TESPA1: variants seen among roughly 807,000 people sequenced by gnomAD.
The protein encoded by TESPA1 is protein TESPA1.
TESPA1 carries 33 observed loss-of-function variants against 57.9 expected under a neutral mutation model. The ratio of observed to expected loss-of-function variants is 0.57; its 90% CI spans 0.43 to 0.76. TESPA1 has a LOEUF of 0.76. TESPA1 is among the 30% of genes least tolerant of loss of function. The pLI is 0.00. For missense variants in TESPA1, 618 were observed against 632.9 expected (o/e 0.98, Z 0.25); for synonymous variants, 227 against 228.9 (o/e 0.99, Z 0.07).
At chr12:54,975,310 C>T (rs1425134814) in intron 1 of TESPA1, among the ~76,000 whole-genome samples, 2 of 152,118 alleles carry the variant, frequency 1.3e-5, no homozygotes, top group Non-Finnish European at 2.9e-5. Flanking sequence ...TCAACTTGTG[C>T]TTCTACCTAA....
intron 10 of TESPA1, among the ~76,000 whole-genome samples, chr12:54,953,678 C>A (rs1446512040): frequency 6.6e-6 from 1 of 152,024 alleles, no homozygotes; most frequent in East Asian, 1.9e-4. Flanking sequence ...GCCACTACGC[C>A]TGGCTAATTT....
chr12:54,982,624 A>G (rs756549820), intron 1 of TESPA1, among the ~76,000 whole-genome samples: 5 of 152,236 alleles, frequency 3.3e-5, no homozygotes, highest in Non-Finnish European at 7.3e-5. Context: ...GACATCAAAT[A>G]TCTTCATTTG....
intron 10 of TESPA1, among the ~76,000 whole-genome samples, chr12:54,953,017 C>T (rs937805446): frequency 6.6e-6 from 1 of 151,854 alleles, no homozygotes; most frequent in African/African-American, 2.4e-5. Context: ...CACTCGTCCT[C>T]CCCTCTATTC....
intron 10 of TESPA1, among the ~76,000 whole-genome samples, chr12:54,955,536 G>A (rs1316757927): frequency 6.6e-6 from 1 of 152,218 alleles, no homozygotes; most frequent in Non-Finnish European, 1.5e-5. Flanking sequence ...AGTCTAGGGT[G>A]AACTGTGAGT....
chr12:54,959,999 C>T (rs1213342854), intron 10 of TESPA1, among the ~76,000 whole-genome samples: 2 of 152,106 alleles, frequency 1.3e-5, no homozygotes, highest in Admixed American at 1.3e-4. Flanking sequence ...AGAATTAAAA[C>T]AGTTAGAATT....
intron 3 of TESPA1, among the ~76,000 whole-genome samples, chr12:54,968,797 A>G (rs1333745906): frequency 6.6e-6 from 1 of 151,948 alleles, no homozygotes; most frequent in Non-Finnish European, 1.5e-5. Flanking sequence ...TGGAGGGGAA[A>G]AGGGTCAGTA....
chr12:54,949,864 G>A lies in TESPA1; in HGVS notation c.*528C>T, dbSNP rs915406765. On this transcript the variant is annotated 3_prime_UTR_variant, in exon 11 of 11. Coordinates refer to ENST00000449076, the MANE Select transcript of TESPA1 (RefSeq NM_001136030.3). The stretch of plus-strand genomic sequence containing the variant: ...GTTGTAGAAGATTTTCTGGAATTTA[G>A]TTAGGAATACAGGGATGAACAGAGG... The A allele has an allele frequency of 2.0e-5, 3 of 152,608 alleles. No individual in the cohort carries two copies. Among genetic ancestry groups the A allele is most frequent in the African/African-American group, 7.2e-5 (3 of 41,438 alleles). The allele number at this position is 152,608 out of a possible 1,614,324, so 9.5% of individuals were successfully genotyped here. A position where few individuals can be genotyped will look rare whatever the true frequency, so the allele number is the denominator to read the frequency against.
chr12:54,963,754 G>GGC lies in TESPA1; in HGVS notation c.641_642dup (p.Leu215AlafsTer106). ...GAGGGACACTCACTGGCCAGCATGA[G>GGC]GCAGGGGTCTTCCATTTCAATCCTC... On this transcript the variant is annotated frameshift_variant, in exon 8 of 11. Transcript: ENST00000449076. LOFTEE classifies it high-confidence loss of function. The GGC allele has an allele frequency of 6.2e-7, 1 of 1,612,572 alleles. No individual in the cohort carries two copies. The highest frequency in any genetic ancestry group is 8.5e-7 in the Non-Finnish European group (1 of 1,179,572).
chr12:54,954,844 A>G (rs10876670), intron 10 of TESPA1, among the ~76,000 whole-genome samples: 31,164 of 152,104 alleles, frequency 0.2, 5,420 homozygotes, highest in East Asian at 0.84. Context: ...ACTGATGGAC[A>G]TTAAGTTTGT....
At chr12:54,970,481 T>C (rs1042671758) in intron 3 of TESPA1, among the ~76,000 whole-genome samples, 5 of 152,222 alleles carry the variant, frequency 3.3e-5, no homozygotes, top group Non-Finnish European at 7.3e-5. Context: ...CAAGTATTTC[T>C]ATTCTCTTTA....
rs143169563 is a variant in TESPA1 at position 54,973,548 on chromosome 12, G to A, written c.164-29C>T. The A allele has an allele frequency of 6.6e-3, 10,719 of 1,613,934 alleles. 39 individuals carry two copies. The highest frequency in any genetic ancestry group is 0.012 in the Middle Eastern group (74 of 6,062). ...GAAAAGTCAGACACTAGATCACTGT[G>A]AGAACTGAACGAAATCAGACCTCCT... On this transcript the variant is annotated intron_variant, in intron 2 of 10. Transcript: ENST00000449076.
chr12:54,969,027 A>G lies in TESPA1; in HGVS notation c.207-1135T>C, dbSNP rs201466219. Among the ~76,000 whole-genome samples the G allele has an allele frequency of 6.4e-3, 573 of 89,582 alleles. 17 individuals are homozygous for G. The highest frequency in any genetic ancestry group is 0.03 in the African/African-American group (451 of 15,178). 58.8% of individuals were successfully genotyped at this position (89,582 alleles called of 152,430 possible). On this transcript the variant is annotated intron_variant, in intron 3 of 10. Coordinates refer to ENST00000449076, the MANE Select transcript of TESPA1 (RefSeq NM_001136030.3). ...TCACTACATATTTATATATGTATAT[A>G]TATATATATATATATATATGTGTGT...
At chr12:54,959,141 C>T (rs10876671) in intron 10 of TESPA1, among the ~76,000 whole-genome samples, 31,089 of 152,060 alleles carry the variant, frequency 0.2, 5,235 homozygotes, top group East Asian at 0.82. Flanking sequence ...AGAAGGGAAG[C>T]GTTCCATGGT....
intron 10 of TESPA1, among the ~76,000 whole-genome samples, chr12:54,955,734 T>G (rs1950690272): frequency 6.6e-6 from 1 of 152,234 alleles, no homozygotes; most frequent in Admixed American, 6.5e-5. Context: ...AAAATAAAAC[T>G]TTCTTTCTTT....
intron 10 of TESPA1, among the ~76,000 whole-genome samples, chr12:54,955,217 T>C (rs920531108): frequency 3.3e-5 from 5 of 152,244 alleles, no homozygotes; most frequent in Non-Finnish European, 7.3e-5. Context: ...TGTTGTGCAC[T>C]TGTATGTCTT....
chr12:54,964,012 TC>T, intron 7 of TESPA1, 62 bp from the exon 8 acceptor site: 4 of 1,477,174 alleles, frequency 2.7e-6, no homozygotes, highest in Non-Finnish European at 3.7e-6. Flanking sequence ...ATTCAGAATA[TC>T]AGAATATCTA....
chr12:54,974,282 A>G, intron 2 of TESPA1, 118 bp downstream of exon 2: 1 of 838,366 alleles, frequency 1.2e-6, no homozygotes, highest in Non-Finnish European at 1.7e-6. Context: ...ACCAGTCAAA[A>G]CAGTCCTCCC....
intron 10 of TESPA1, among the ~76,000 whole-genome samples, chr12:54,959,252 G>A (rs901816503): frequency 3.9e-5 from 6 of 152,176 alleles, no homozygotes; most frequent in African/African-American, 1.4e-4. Context: ...GGACGGGATG[G>A]CTAGAGTAGG....
chr12:54,961,113 A>G lies in TESPA1; in HGVS notation c.*1+55T>C, dbSNP rs540324468. On this transcript the variant is annotated intron_variant, in intron 10 of 10. Coordinates refer to ENST00000449076, the MANE Select transcript of TESPA1 (RefSeq NM_001136030.3). ...GGTTTAAAAAAAAAAAACCTTCCTC[A>G]TTTGATTACAATGTGCAGCCAGGTT... 1.1e-5 allele frequency: 17 copies of G among 1,600,214 alleles called. No homozygotes were observed. In the African/African-American group the frequency reaches 1.5e-4, roughly 14 times the overall value.
Sources: allele counts gnomAD v4.1 joint callset (sites outside exome capture counted in the v4.1 genomes callset), GRCh38; gene constraint gnomAD v4.1.1; transcripts MANE v1.5; gene names NCBI Gene and HGNC (gene_info 2026-07-23, HGNC 2026-07-21).